Variants in SEPTIN7 observed in about 807,000 individuals in gnomAD.
SEPTIN7 encodes the protein septin 7, also known as septin-7.
A neutral mutation model predicts 63.3 loss-of-function variants in SEPTIN7; 10 were observed. That is an observed-to-expected ratio of 0.16 (90% confidence interval 0.10 to 0.27). The LOEUF is 0.27. Ranked by LOEUF, SEPTIN7 falls within the 10% of genes least tolerant of loss-of-function variation. The pLI is 1.00. For missense variants in SEPTIN7, 310 were observed against 521.0 expected (o/e 0.59, Z 3.94); for synonymous variants, 131 against 165.3 (o/e 0.79, Z 1.59).
intron 1 of SEPTIN7, among the ~76,000 whole-genome samples, chr7:35,812,426 C>T (rs190936259): frequency 6.6e-6 from 1 of 151,144 alleles, no homozygotes; most frequent in East Asian, 1.9e-4. Context: ...AGAGGAAATG[C>T]AGAAATAATG....
intron 4 of SEPTIN7, among the ~76,000 whole-genome samples, chr7:35,867,482 T>C (rs1282446767): frequency 2.6e-5 from 4 of 152,114 alleles, no homozygotes; most frequent in African/African-American, 9.7e-5. Context: ...CCTGAGTACC[T>C]GGGATTATAG....
At chr7:35,821,378 T>C (rs1218219430) in intron 1 of SEPTIN7, among the ~76,000 whole-genome samples, 5 of 152,246 alleles carry the variant, frequency 3.3e-5, no homozygotes, top group Non-Finnish European at 7.3e-5. Flanking sequence ...TGACAAGTGT[T>C]TAAGAATGTT....
chr7:35,911,550 G>A (rs1477886532), downstream of SEPTIN7, among the ~76,000 whole-genome samples: 2 of 152,158 alleles, frequency 1.3e-5, no homozygotes, highest in Non-Finnish European at 2.9e-5. Flanking sequence ...CTAAGGGGAT[G>A]TTTAGCTTAA....
chr7:35,843,369 C>G (rs13233646), intron 3 of SEPTIN7, among the ~76,000 whole-genome samples: 1 of 151,914 alleles, frequency 6.6e-6, no homozygotes, highest in Non-Finnish European at 1.5e-5. Context: ...TTCCTCATTC[C>G]GTAGGCTCTA....
At chr7:35,908,650 G>T (rs907380039), downstream of SEPTIN7, among the ~76,000 whole-genome samples, 26 of 152,170 alleles carry the variant, frequency 1.7e-4, no homozygotes, top group Admixed American at 1.7e-3. Flanking sequence ...AGCAGAGGGG[G>T]GGTAGTCAGA....
intron 1 of SEPTIN7, among the ~76,000 whole-genome samples, chr7:35,818,131 A>G (rs771503366): frequency 1.3e-5 from 2 of 151,964 alleles, no homozygotes; most frequent in African/African-American, 2.4e-5. Context: ...GATGTTCTTT[A>G]TGAGGTTGAG....
intron 3 of SEPTIN7, among the ~76,000 whole-genome samples, chr7:35,837,070 A>T (rs1784119063): frequency 6.6e-6 from 1 of 152,224 alleles, no homozygotes; most frequent in South Asian, 2.1e-4. Context: ...ACATAATTCC[A>T]CATGTCCACT....
At chr7:35,830,774 GATTATCT>G (rs1783795610) in intron 1 of SEPTIN7, among the ~76,000 whole-genome samples, 2 of 152,138 alleles carry the variant, frequency 1.3e-5, no homozygotes, top group South Asian at 4.1e-4. Context: ...TTTGGCCAAG[GATTATCT>G]ATTTTATTTT....
At chr7:35,854,254 A>G (rs1393076651) in intron 3 of SEPTIN7, among the ~76,000 whole-genome samples, 1 of 152,236 alleles carries the variant, frequency 6.6e-6, no homozygotes, top group Non-Finnish European at 1.5e-5. Context: ...AACTAAGTCA[A>G]TGCTTGTAAA....
chr7:35,821,104 G>A (rs1789382478), intron 1 of SEPTIN7, among the ~76,000 whole-genome samples: 1 of 152,116 alleles, frequency 6.6e-6, no homozygotes, highest in African/African-American at 2.4e-5. Context: ...GGTTTTTACT[G>A]TGATTGTGTG....
At chr7:35,802,245 T>C in intron 1 of SEPTIN7, 1 of 362,168 alleles carries the variant, frequency 2.8e-6, no homozygotes, top group Non-Finnish European at 5.6e-6. Context: ...CATTTTCCAC[T>C]CCTGAGTTCC....
At chr7:35,826,135 TA>T (rs1783502565) in intron 1 of SEPTIN7, among the ~76,000 whole-genome samples, 1 of 152,030 alleles carries the variant, frequency 6.6e-6, no homozygotes, top group African/African-American at 2.4e-5. Context: ...TTAAAACATT[TA>T]AATGGCAAAT....
chr7:35,909,597 TAAGGG>T (rs1217913940), downstream of SEPTIN7, among the ~76,000 whole-genome samples: 2 of 152,194 alleles, frequency 1.3e-5, no homozygotes, highest in Non-Finnish European at 2.9e-5. Flanking sequence ...CTTTGAAGTC[TAAGGG>T]AAGGAAACAA....
In SEPTIN7 at chr7:35,863,624, C is replaced by T; in HGVS notation, c.242C>T (p.Pro81Leu). The change falls in exon 4 of 14, where the codon CCA (proline) becomes CTA (leucine). Residue 81 changes from proline to leucine, a missense_variant. By Grantham distance (98) the Pro-to-Leu change is moderately conservative. Coordinates refer to ENST00000350320, the MANE Select transcript of SEPTIN7 (RefSeq NM_001788.6). Reference sequence around the variant, plus strand: ...ACAGATTTGTATTCTCCAGAGTATCCAGGTCCTTCTCATAGAATTAAAAAG... The same window carrying T: ...ACAGATTTGTATTCTCCAGAGTATCTAGGTCCTTCTCATAGAATTAAAAAG... ...FLTDLYSPEYPGPSHRIKKTV... is the reference protein window; with the variant it reads ...FLTDLYSPEYLGPSHRIKKTV... 2 of 1,582,062 alleles carry T rather than the reference C, an allele frequency of 1.3e-6. No individual in the cohort carries two copies.
intron 3 of SEPTIN7, among the ~76,000 whole-genome samples, chr7:35,842,940 A>ATG (rs930792898): frequency 9.9e-5 from 15 of 152,190 alleles, no homozygotes; most frequent in East Asian, 3.9e-4. Flanking sequence ...TTATATATAT[A>ATG]TGTGTGTGTG....
the SEPTIN7 span, among the ~76,000 whole-genome samples, chr7:35,912,444 G>T: frequency 7.5e-4 from 114 of 152,306 alleles, no homozygotes; most frequent in Non-Finnish European, 8.2e-4. Context: ...AATATCTATA[G>T]AAACAATGCT....
At chr7:35,819,808 CAT>C (rs1157260572) in intron 1 of SEPTIN7, among the ~76,000 whole-genome samples, 1 of 152,016 alleles carries the variant, frequency 6.6e-6, no homozygotes, top group Non-Finnish European at 1.5e-5. Flanking sequence ...GATTCTGAAA[CAT>C]GTCTCATGTG....
chr7:35,801,111 C>T lies in SEPTIN7; in HGVS notation c.-99C>T. On this transcript the variant is annotated 5_prime_UTR_variant, in exon 1 of 14. Coordinates refer to ENST00000350320, the MANE Select transcript of SEPTIN7 (RefSeq NM_001788.6). ...CCTGCTGTAGCGTGCGTAAGCAAGG[C>T]AGCTACGCCGGGCGGCTACGCTGCG... 1.0e-6 allele frequency: 1 copy of T among 967,890 alleles called. No homozygotes were observed. Among genetic ancestry groups the T allele is most frequent in the Non-Finnish European group, 1.5e-6 (1 of 686,486 alleles). 60.0% of individuals were successfully genotyped at this position (967,890 alleles called of 1,614,324 possible). A position where few individuals can be genotyped will look rare whatever the true frequency, so the allele number is the denominator to read the frequency against.
At chr7:35,869,591 A>G (rs1287961473) in intron 4 of SEPTIN7, among the ~76,000 whole-genome samples, 5 of 152,226 alleles carry the variant, frequency 3.3e-5, no homozygotes, top group African/African-American at 1.2e-4. Flanking sequence ...ATTTACCTTA[A>G]TAAGTGGCAT....
Sources: allele counts gnomAD v4.1 joint callset (sites outside exome capture counted in the v4.1 genomes callset), GRCh38; gene constraint gnomAD v4.1.1; transcripts MANE v1.5; gene names NCBI Gene and HGNC (gene_info 2026-07-23, HGNC 2026-07-21).